The following IFI16 variants were observed in gnomAD, a reference collection of about 807,000 sequenced individuals.
The protein encoded by IFI16 is gamma-interferon-inducible protein 16.
A neutral mutation model predicts 68.4 loss-of-function variants in IFI16; 49 were observed. The ratio of observed to expected loss-of-function variants is 0.72; its 90% CI spans 0.57 to 0.91. IFI16 has a LOEUF of 0.91. IFI16 is among the 40% of genes least tolerant of loss of function. The probability of loss-of-function intolerance (pLI) is 0.00; values close to 1 mark genes in which losing one functional copy is unlikely to be tolerated. For missense variants in IFI16, 878 were observed against 942.9 expected (o/e 0.93, Z 0.90); for synonymous variants, 307 against 315.0 (o/e 0.97, Z 0.27).
At position 159,023,656 on chromosome 1, in the gene IFI16, G is replaced by C. The variant is rs1653475130; in HGVS notation, c.1161+3127G>C. Among the ~76,000 whole-genome samples, 3 of 152,140 alleles carry C rather than the reference G, an allele frequency of 2.0e-5. No homozygotes were observed. The South Asian group carries it at 6.2e-4, about 32-fold the overall frequency. Reference sequence around the variant, plus strand: ...TTTTTTTAGGTTGGTGAAATGCCAGGGTGCAGGGGATAGCCAGTTGGATTA... The same window carrying C: ...TTTTTTTAGGTTGGTGAAATGCCAGCGTGCAGGGGATAGCCAGTTGGATTA... On this transcript the variant is annotated intron_variant, in intron 6 of 11. Coordinates refer to ENST00000295809, the MANE Select transcript of IFI16 (RefSeq NM_001376587.1).
At position 159,020,470 on chromosome 1, in the gene IFI16, C is replaced by A. The variant is rs1319220571; in HGVS notation, c.1102C>A (p.Arg368=). The A allele has an allele frequency of 6.2e-7, 1 of 1,613,210 alleles. No individual in the cohort carries two copies. The highest frequency in any genetic ancestry group is 2.2e-5 in the East Asian group (1 of 44,800). Residue 368 remains arginine (R), a synonymous_variant, in exon 6 of 12, where the codon CGA becomes AGA. Transcript: ENST00000295809. ...EGDKLQLFCF[R]LRKKNQMSKL... ...AGATAAGCTCCAACTTTTCTGCTTTCGACTTAGAAAAAAGAACCAGATGTC... is the reference window on the plus strand; with the variant it reads ...AGATAAGCTCCAACTTTTCTGCTTTAGACTTAGAAAAAAGAACCAGATGTC...
chr1:159,005,922 C>T (rs536999870), upstream of IFI16: 5 of 152,928 alleles, frequency 3.3e-5, no homozygotes, highest in African/African-American at 1.2e-4. Context: ...ATCCCCACCC[C>T]TCAGCGCCCC....
At chr1:159,003,167 A>T (rs1652121411), upstream of IFI16, among the ~76,000 whole-genome samples, 1 of 152,206 alleles carries the variant, frequency 6.6e-6, no homozygotes, top group African/African-American at 2.4e-5. Flanking sequence ...GATACCCTAG[A>T]TTCTAAGAAG....
intron 8 of IFI16, among the ~76,000 whole-genome samples, chr1:159,047,853 G>A (rs756129631): frequency 2.0e-5 from 3 of 150,910 alleles, no homozygotes; most frequent in Non-Finnish European, 4.4e-5. Flanking sequence ...GTATCCTGAA[G>A]TGAACAGTAC....
chr1:159,038,887 G>A (rs1184392033), intron 7 of IFI16, among the ~76,000 whole-genome samples: 1 of 152,144 alleles, frequency 6.6e-6, no homozygotes, highest in African/African-American at 2.4e-5. Flanking sequence ...CTGGAACTGT[G>A]CTTTCAGGGA....
At chr1:159,013,245 T>G (rs1418603111) in intron 1 of IFI16, among the ~76,000 whole-genome samples, 1 of 133,976 alleles carries the variant, frequency 7.5e-6, no homozygotes, top group African/African-American at 2.7e-5. Flanking sequence ...CTCCGCTCAC[T>G]GCAACCTCCG....
At chr1:159,031,530 C>G (rs1418042855) in intron 6 of IFI16, among the ~76,000 whole-genome samples, 1 of 152,204 alleles carries the variant, frequency 6.6e-6, no homozygotes, top group African/African-American at 2.4e-5. Context: ...TTCCTCTACC[C>G]CTGTATTTCG....
chr1:159,031,539 C>T (rs1350652709), intron 6 of IFI16, among the ~76,000 whole-genome samples: 4 of 152,182 alleles, frequency 2.6e-5, no homozygotes, highest in Admixed American at 6.5e-5. Context: ...CCCTGTATTT[C>T]GCTCAGCTCT....
Position 159,049,557 on chromosome 1 carries a change from T to C in IFI16, c.1623T>C (p.Pro541=). The change falls in exon 9 of 12, where the codon CCT becomes CCC. Residue 541 remains proline (P), a synonymous_variant. Transcript: ENST00000295809. ...CAGCTGAGAGCCATCCCCACACTCC[T>C]CAGATGCCTCCATCAACACCAAGCA... ...IGPAESHPHT[P]QMPPSTPSSS... The C allele has an allele frequency of 6.3e-7, 1 of 1,580,208 alleles. No homozygotes were observed. The highest frequency in any genetic ancestry group is 1.2e-5 in the South Asian group (1 of 85,112).
chr1:159,037,628 G>A (rs1173938718), intron 7 of IFI16, among the ~76,000 whole-genome samples: 1 of 152,120 alleles, frequency 6.6e-6, no homozygotes, highest in Non-Finnish European at 1.5e-5. Flanking sequence ...TCTACAATCT[G>A]CTGAAATCCA....
At chr1:159,051,164 T>TG (rs1398930484) in intron 9 of IFI16, among the ~76,000 whole-genome samples, 1 of 151,994 alleles carries the variant, frequency 6.6e-6, no homozygotes, top group African/African-American at 2.4e-5. Context: ...CACTTTGAAT[T>TG]GGAGGGGCTG....
chr1:159,035,146 G>A (rs1027603379), intron 7 of IFI16, among the ~76,000 whole-genome samples: 1 of 152,152 alleles, frequency 6.6e-6, no homozygotes, highest in African/African-American at 2.4e-5. Context: ...CTATATTTAA[G>A]GATTCTCTAT....
Position 159,034,064 on chromosome 1 carries a change from A to G in IFI16, c.1329+1373A>G, listed in dbSNP as rs139499889. Among the ~76,000 whole-genome samples, 21 of 152,306 alleles carry G rather than the reference A, an allele frequency of 1.4e-4. No homozygotes were observed. The East Asian group carries it at 3.3e-3, about 24-fold the overall frequency. On this transcript the variant is annotated intron_variant, in intron 7 of 11. Transcript: ENST00000295809. ...TGGTAATGCCAAGGTAAGTTCTTCAATATTTCTAAATACATTTGAGAACCT... is the reference window on the plus strand; with the variant it reads ...TGGTAATGCCAAGGTAAGTTCTTCAGTATTTCTAAATACATTTGAGAACCT...
At chr1:159,047,199 C>G (rs565492569) in intron 8 of IFI16, among the ~76,000 whole-genome samples, 1 of 151,298 alleles carries the variant, frequency 6.6e-6, no homozygotes, top group Non-Finnish European at 1.5e-5. Context: ...GGTTGCGGAC[C>G]CGAGCACCAT....
At chr1:159,048,767 G>C (rs1052992071) in intron 8 of IFI16, among the ~76,000 whole-genome samples, 1 of 151,566 alleles carries the variant, frequency 6.6e-6, no homozygotes, top group African/African-American at 2.4e-5. Context: ...GGTAGTCAAG[G>C]TATGTGATTT....
chr1:159,015,615 G>A, intron 2 of IFI16: 1 of 310,620 alleles, frequency 3.2e-6, no homozygotes, highest in Non-Finnish European at 6.0e-6. Context: ...TCAGAGAACA[G>A]GAAGCATGTG....
upstream of IFI16, among the ~76,000 whole-genome samples, chr1:159,004,489 G>C (rs147790480): frequency 0.069 from 10,436 of 152,170 alleles, 506 homozygotes; most frequent in Non-Finnish European, 0.1. Context: ...TGGGTCACTT[G>C]AGATCAGGAG....
At chr1:159,004,522 T>C (rs150932467), upstream of IFI16, among the ~76,000 whole-genome samples, 82 of 152,254 alleles carry the variant, frequency 5.4e-4, no homozygotes, top group African/African-American at 1.8e-3. Flanking sequence ...CTGGCCAGCA[T>C]GGTGAAACCT....
At chr1:159,038,570 T>C (rs1654451531) in intron 7 of IFI16, among the ~76,000 whole-genome samples, 3 of 152,104 alleles carry the variant, frequency 2.0e-5, no homozygotes, top group Admixed American at 2.0e-4. Flanking sequence ...TCTCGCTATA[T>C]TGCCCAGGCT....
Sources: gnomAD v4.1 joint callset for allele counts (sites outside exome capture counted in the v4.1 genomes callset) on GRCh38, gnomAD v4.1.1 for gene constraint, MANE v1.5 for transcripts, NCBI Gene and HGNC (gene_info 2026-07-23, HGNC 2026-07-21) for gene names.